Variants in C5orf52 observed in about 807,000 individuals in gnomAD.
C5orf52 encodes the protein chromosome 5 open reading frame 52.
A neutral mutation model predicts 16.8 loss-of-function variants in C5orf52; 15 were observed. The observed-to-expected ratio is 0.89, with a 90% CI of 0.60 to 1.38. The LOEUF (loss-of-function observed/expected upper bound fraction) is 1.38, where lower values mean the gene tolerates loss of function less well. Ranked by LOEUF, C5orf52 falls within the 40% of genes most tolerant of loss-of-function variation. The probability of loss-of-function intolerance (pLI) is 0.00; values close to 1 mark genes in which losing one functional copy is unlikely to be tolerated. For missense variants in C5orf52, 206 were observed against 213.1 expected (o/e 0.97, Z 0.21); for synonymous variants, 83 against 87.2 (o/e 0.95, Z 0.27).
chr5:157,679,288 C>T (rs1165315495), intron 2 of C5orf52, among the ~76,000 whole-genome samples: 1 of 152,174 alleles, frequency 6.6e-6, no homozygotes, highest in Admixed American at 6.5e-5. Context: ...TGGCTTCCCA[C>T]ACCTTACCGC....
At chr5:157,679,091 G>A (rs1481190453) in intron 2 of C5orf52, among the ~76,000 whole-genome samples, 3 of 151,086 alleles carry the variant, frequency 2.0e-5, no homozygotes, top group Non-Finnish European at 2.9e-5. Flanking sequence ...CTGAGATCGC[G>A]CCACTGCACT....
chr5:157,671,041 C>CA (rs1369405750), upstream of C5orf52, among the ~76,000 whole-genome samples: 1 of 152,156 alleles, frequency 6.6e-6, no homozygotes, highest in Non-Finnish European at 1.5e-5. Context: ...CAAGACCCCG[C>CA]AGGAGATGGC....
intron 1 of C5orf52, among the ~76,000 whole-genome samples, chr5:157,673,571 A>ATGTAT (rs571764857): frequency 5.9e-5 from 9 of 152,088 alleles, no homozygotes; most frequent in Non-Finnish European, 1.2e-4. Context: ...ACACAATTAC[A>ATGTAT]TGTATTTTAT....
At chr5:157,673,536 T>C (rs1412744763) in intron 1 of C5orf52, among the ~76,000 whole-genome samples, 1 of 152,162 alleles carries the variant, frequency 6.6e-6, no homozygotes, top group Non-Finnish European at 1.5e-5. Flanking sequence ...TCCCATCTAA[T>C]ACACCACCCG....
chr5:157,674,374 A>G (rs1315282992), intron 1 of C5orf52, among the ~76,000 whole-genome samples: 8 of 151,068 alleles, frequency 5.3e-5, no homozygotes. Context: ...CAAGCTAAAC[A>G]CCTCCCAGAT....
chr5:157,675,882 C>G (rs1230831615), intron 2 of C5orf52, among the ~76,000 whole-genome samples: 3 of 152,148 alleles, frequency 2.0e-5, no homozygotes, highest in African/African-American at 7.2e-5. Flanking sequence ...CACCTGCTTA[C>G]TCGAAATCCT....
intron 2 of C5orf52, among the ~76,000 whole-genome samples, chr5:157,675,905 C>T (rs1348748661): frequency 6.6e-6 from 1 of 152,008 alleles, no homozygotes; most frequent in East Asian, 1.9e-4. Flanking sequence ...GTGCTGTCAC[C>T]CCACTGTTCC....
intron 1 of C5orf52, among the ~76,000 whole-genome samples, chr5:157,672,447 TGCC>T (rs1437250299): frequency 6.6e-6 from 1 of 152,130 alleles, no homozygotes; most frequent in Non-Finnish European, 1.5e-5. Context: ...TTCCAGTCGT[TGCC>T]ACCCTCTTCC....
At chr5:157,676,246 T>C (rs1434853469) in intron 2 of C5orf52, among the ~76,000 whole-genome samples, 1 of 152,126 alleles carries the variant, frequency 6.6e-6, no homozygotes, top group African/African-American at 2.4e-5. Context: ...CTAATTTTTG[T>C]TTTATTAGTA....
At chr5:157,675,240 G>A (rs760989660) in intron 2 of C5orf52, 40 bp downstream of exon 2, 2 of 1,191,302 alleles carry the variant, frequency 1.7e-6, no homozygotes, top group South Asian at 1.3e-5. Context: ...GGGTGTTAGT[G>A]GCTTGACCCA....
In C5orf52 at chr5:157,679,899, A is replaced by G. The variant is rs1458870347; in HGVS notation, c.380A>G (p.Lys127Arg). Reference sequence around the variant, plus strand: ...AGCCACTACTATGAACACCTGAAAAAAAAGTTCATGACAGAGCAGCTCAGA... The same window carrying G: ...AGCCACTACTATGAACACCTGAAAAGAAAGTTCATGACAGAGCAGCTCAGA... ...KISHYYEHLKKKFMTEQLRKL... is the reference protein window; with the variant it reads ...KISHYYEHLKRKFMTEQLRKL... The change falls in exon 3 of 3, where the codon AAA (lysine) becomes AGA (arginine). Residue 127 changes from lysine (K) to arginine (R), a missense_variant. Lys to Arg is a conservative substitution (Grantham distance 26). Transcript: ENST00000409999. 2 of 1,551,870 alleles carry G rather than the reference A, an allele frequency of 1.3e-6. No individual in the cohort carries two copies. Among genetic ancestry groups the G allele is most frequent in the South Asian group, 1.2e-5 (1 of 84,052 alleles).
intron 2 of C5orf52, among the ~76,000 whole-genome samples, chr5:157,677,430 C>T (rs1305226276): frequency 2.0e-5 from 3 of 151,888 alleles, no homozygotes; most frequent in East Asian, 1.9e-4. Context: ...CCGAGGCGGG[C>T]GGATCACCTG....
chr5:157,675,007 C>T (rs1429313358), intron 1 of C5orf52, 85 bp from the exon 2 acceptor site: 7 of 788,038 alleles, frequency 8.9e-6, no homozygotes, highest in African/African-American at 8.8e-5. Flanking sequence ...GAAGCCTCAG[C>T]CACTCCCTCA....
chr5:157,678,367 G>A (rs1375318717), intron 2 of C5orf52, among the ~76,000 whole-genome samples: 1 of 152,080 alleles, frequency 6.6e-6, no homozygotes, highest in Non-Finnish European at 1.5e-5. Context: ...ACATTCCCAG[G>A]ATCACCACCC....
chr5:157,678,103 C>T (rs1400980170), intron 2 of C5orf52, among the ~76,000 whole-genome samples: 1 of 152,220 alleles, frequency 6.6e-6, no homozygotes, highest in Non-Finnish European at 1.5e-5. Flanking sequence ...CATCCAAACC[C>T]TATTAAGCAA....
At chr5:157,675,064 C>A (rs749293588) in intron 1 of C5orf52, 28 bp from the exon 2 acceptor site, 47 of 1,472,578 alleles carry the variant, frequency 3.2e-5, no homozygotes, top group Non-Finnish European at 4.1e-5. Flanking sequence ...CGTCTGTAAC[C>A]TGTGCCACCT....
At chr5:157,675,939 A>G (rs1399300952) in intron 2 of C5orf52, among the ~76,000 whole-genome samples, 3 of 152,158 alleles carry the variant, frequency 2.0e-5, no homozygotes, top group Non-Finnish European at 4.4e-5. Context: ...TGATGGATTC[A>G]TTAAACCTGT....
chr5:157,679,529 G>A (rs1759968440), intron 2 of C5orf52, among the ~76,000 whole-genome samples: 1 of 152,104 alleles, frequency 6.6e-6, no homozygotes, highest in Non-Finnish European at 1.5e-5. Flanking sequence ...CGGAGACAGG[G>A]TTTCACCTTG....
chr5:157,671,279 CG>C, upstream of C5orf52: 1 of 296,058 alleles, frequency 3.4e-6, no homozygotes, highest in South Asian at 8.8e-5. Context: ...GCCAGCAGGC[CG>C]GGGTCACTGC....
Sources: gnomAD v4.1 joint callset for allele counts (sites outside exome capture counted in the v4.1 genomes callset) on GRCh38, gnomAD v4.1.1 for gene constraint, MANE v1.5 for transcripts, NCBI Gene and HGNC (gene_info 2026-07-23, HGNC 2026-07-21) for gene names.